The following RSRP1 variants were observed in gnomAD, a reference collection of about 807,000 sequenced individuals.
The protein encoded by RSRP1 is arginine/serine-rich protein 1.
RSRP1 carries 37 observed loss-of-function variants against 33.0 expected under a neutral mutation model. That is an observed-to-expected ratio of 1.12 (90% CI 0.86 to 1.48). The LOEUF (loss-of-function observed/expected upper bound fraction) is 1.48. Among genes scored for constraint, RSRP1 ranks in the 40% most tolerant of loss-of-function variants. The pLI, the probability that RSRP1 is intolerant of heterozygous loss-of-function variation, is 0.00. For missense variants in RSRP1, 402 were observed against 385.3 expected (o/e 1.04, Z -0.36); for synonymous variants, 167 against 158.7 (o/e 1.05, Z -0.40).
At chr1:25,261,296 A>G (rs1640136557) in intron 1 of RSRP1, among the ~76,000 whole-genome samples, 1 of 152,222 alleles carries the variant, frequency 6.6e-6, no homozygotes, top group African/African-American at 2.4e-5. Context: ...ATATATACAA[A>G]GATAATTTCG....
chr1:25,305,871 G>C (rs145885278), intron 1 of RSRP1, among the ~76,000 whole-genome samples: 1 of 131,134 alleles, frequency 7.6e-6, no homozygotes, highest in African/African-American at 2.6e-5. Flanking sequence ...CAAAGTGCTG[G>C]GATTACAGGC....
rs1258930339 is a variant in RSRP1, at chr1:25,308,866, C to T, written c.-67+29112G>A. Among the ~76,000 whole-genome samples, 3 of 131,078 alleles carry T rather than the reference C, an allele frequency of 2.3e-5. No individual in the cohort carries two copies. In the East Asian group the frequency reaches 5.9e-4, roughly 26 times the overall value. 86.0% of individuals were successfully genotyped at this position (131,078 alleles called of 152,430 possible). ...ACCAGTGGTGAAGCCAGTCATGCAG[C>T]CTTAGTCCTGGTACTGAAACTCTCT... On this transcript the variant is annotated intron_variant, in intron 1 of 1. Coordinates refer to the RSRP1 transcript ENST00000561867.
intron 1 of RSRP1, among the ~76,000 whole-genome samples, chr1:25,259,580 G>A (rs1446830208): frequency 2.6e-5 from 4 of 151,656 alleles, no homozygotes; most frequent in East Asian, 1.9e-4. Flanking sequence ...TCAGCTCGCC[G>A]CAACCTCCGC....
intron 1 of RSRP1, among the ~76,000 whole-genome samples, chr1:25,305,745 C>A (rs191493067): frequency 7.7e-6 from 1 of 129,500 alleles, no homozygotes; most frequent in African/African-American, 2.7e-5. Flanking sequence ...GGTCTACAGG[C>A]GCCCACCACC....
At position 25,246,811 on chromosome 1, in the gene RSRP1, G is replaced by A. The variant is rs1011469316; in HGVS notation, c.153C>T (p.Ser51=). The A allele has an allele frequency of 5.0e-6, 8 of 1,613,438 alleles. No individual in the cohort carries two copies. Among genetic ancestry groups the A allele is most frequent in the Non-Finnish European group, 6.8e-6 (8 of 1,179,792 alleles). The change falls in exon 2 of 5, where the codon AGC becomes AGT. Residue 51 remains serine (S), a synonymous_variant. Transcript: ENST00000243189. ...TCCTCCGACTCCTGGACGAAAACCG[G>A]CTCGAGACGCGGGAATGGGACCGAG... ...RSSRSHSRVS[S]RFSSRSRRSK...
chr1:25,282,907 G>A lies in RSRP1; in HGVS notation c.-66-35878C>T, dbSNP rs541197356. Among the ~76,000 whole-genome samples, 9 of 130,406 alleles carry A rather than the reference G, an allele frequency of 6.9e-5. 1 individual carries two copies. In the East Asian group the frequency reaches 1.8e-3, roughly 26 times the overall value. The allele number at this position is 130,406 out of a possible 152,430, so 85.6% of individuals were successfully genotyped here. On this transcript the variant is annotated intron_variant, in intron 1 of 1. Coordinates refer to the RSRP1 transcript ENST00000561867. ...GACTCTGTCTCGAAAAAAAAAAATT[G>A]TCTACATGCTGGTTGCAGAAAATTT...
chr1:25,329,627 T>A (rs1206857301), intron 1 of RSRP1: 1 of 137,268 alleles, frequency 7.3e-6, no homozygotes, highest in Admixed American at 6.7e-5. Context: ...GAAACTTAAT[T>A]AGATTATACC....
In RSRP1 at chr1:25,307,901, C is replaced by T; in HGVS notation, c.-67+30077G>A. ...TGATGGGTTCCAGTGATGTGTCTGC[C>T]ACTGTCTTAATAACTGTGCAATTCT... On this transcript the variant is annotated intron_variant, in intron 1 of 1. Transcript: ENST00000561867. 3.8e-6 allele frequency: 4 copies of T among 1,066,442 alleles called. 1 individual carries two copies. The highest frequency in any genetic ancestry group is 5.5e-6 in the Non-Finnish European group (4 of 732,788). The allele number at this position is 1,066,442 out of a possible 1,614,324, so 66.1% of individuals were successfully genotyped here. A position where few individuals can be genotyped will look rare whatever the true frequency, so the allele number is the denominator to read the frequency against.
At chr1:25,277,096 C>T (rs1353708608) in intron 1 of RSRP1, among the ~76,000 whole-genome samples, 1 of 131,960 alleles carries the variant, frequency 7.6e-6, no homozygotes, top group South Asian at 2.3e-4. Flanking sequence ...ATAAATGAAA[C>T]ATAAAACCCT....
At chr1:25,307,774 G>A (rs1238008975) in intron 1 of RSRP1, 1 of 1,302,960 alleles carries the variant, frequency 7.7e-7, no homozygotes, top group South Asian at 1.3e-5. Context: ...GCCTTCTACA[G>A]AGACAACCAT....
chr1:25,254,982 A>G (rs1418263452), intron 1 of RSRP1, among the ~76,000 whole-genome samples: 1 of 152,156 alleles, frequency 6.6e-6, no homozygotes, highest in Admixed American at 6.5e-5. Flanking sequence ...GCTTTGCACA[A>G]AATATAACTC....
intron 1 of RSRP1, among the ~76,000 whole-genome samples, chr1:25,315,501 CTT>C (rs1189263980): frequency 3.5e-5 from 4 of 114,094 alleles, no homozygotes; most frequent in Admixed American, 8.5e-5. Context: ...TTCTTTCTTT[CTT>C]TTTTTTTTTT....
chr1:25,264,064 A>G (rs1420114283), intron 1 of RSRP1, among the ~76,000 whole-genome samples: 1 of 151,862 alleles, frequency 6.6e-6, no homozygotes, highest in African/African-American at 2.4e-5. Flanking sequence ...CTGCCCCTGT[A>G]CCTTTGCAGG....
chr1:25,252,540 T>C (rs1639821629), intron 1 of RSRP1, among the ~76,000 whole-genome samples: 1 of 151,388 alleles, frequency 6.6e-6, no homozygotes, highest in Non-Finnish European at 1.5e-5. Context: ...ACCTTTTTTT[T>C]TTTTTTTTTT....
chr1:25,290,858 C>A, intron 1 of RSRP1: 1 of 1,337,108 alleles, frequency 7.5e-7, no homozygotes, highest in Non-Finnish European at 1.1e-6. Context: ...GGTGGGGTTT[C>A]CAGGGTTTTG....
chr1:25,284,123 C>T (rs1418425872), intron 1 of RSRP1, among the ~76,000 whole-genome samples: 1 of 135,910 alleles, frequency 7.4e-6, no homozygotes, highest in East Asian at 1.9e-4. Flanking sequence ...TTCTGTGTGT[C>T]CTGGGACAAG....
chr1:25,248,628 T>G (rs955276348), upstream of RSRP1, among the ~76,000 whole-genome samples: 4 of 152,162 alleles, frequency 2.6e-5, no homozygotes, highest in African/African-American at 4.8e-5. Flanking sequence ...TCTTTACAAG[T>G]ACATTTTGAC....
upstream of RSRP1, among the ~76,000 whole-genome samples, chr1:25,249,485 T>C (rs1226255160): frequency 6.6e-6 from 1 of 152,162 alleles, no homozygotes; most frequent in East Asian, 1.9e-4. Context: ...TTTACAGACG[T>C]GCACCATCAT....
In RSRP1 at chr1:25,315,454, G is replaced by C. The variant is rs1401121751; in HGVS notation, c.-67+22524C>G. Reference sequence around the variant, plus strand: ...CTGCACTCCCTACATGAGCAGCAGGGTGGCAACTCTTTTTATCTTTTTAAT... The same window carrying C: ...CTGCACTCCCTACATGAGCAGCAGGCTGGCAACTCTTTTTATCTTTTTAAT... On this transcript the variant is annotated intron_variant, in intron 1 of 1. Coordinates refer to the RSRP1 transcript ENST00000561867. Among the ~76,000 whole-genome samples, 3 of 127,646 alleles carry C rather than the reference G, an allele frequency of 2.4e-5. 1 individual carries two copies. The highest frequency in any genetic ancestry group is 5.5e-5 in the Non-Finnish European group (3 of 54,370). The allele number at this position is 127,646 out of a possible 152,430, so 83.7% of individuals were successfully genotyped here. A position where few individuals can be genotyped will look rare whatever the true frequency, so the allele number is the denominator to read the frequency against.
Sources: gnomAD v4.1 joint callset for allele counts (sites outside exome capture counted in the v4.1 genomes callset) on GRCh38, gnomAD v4.1.1 for gene constraint, MANE v1.5 for transcripts, NCBI Gene and HGNC (gene_info 2026-07-23, HGNC 2026-07-21) for gene names.